COLEC10: variants seen among roughly 807,000 people sequenced by gnomAD.
COLEC10 encodes the protein collectin-10.
COLEC10 carries 22 observed loss-of-function variants against 28.4 expected under a neutral mutation model. The observed-to-expected ratio is 0.78, with a 90% CI of 0.55 to 1.11. The LOEUF is 1.11. COLEC10 is among the 50% of genes least tolerant of loss of function. COLEC10 has a pLI of 0.00. For synonymous variants in COLEC10, 125 were observed against 116.1 expected, an observed-to-expected ratio of 1.08 and a Z score of -0.49; for missense variants, 361 against 344.1, an observed-to-expected ratio of 1.05 and a Z score of -0.39.
In COLEC10 at chr8:119,107,379, C is replaced by A. The variant is rs976872101; in HGVS notation, c.*1188C>A. Among the ~76,000 whole-genome samples the A allele has an allele frequency of 2.0e-5, 3 of 152,138 alleles. No homozygotes were observed. The highest frequency in any genetic ancestry group is 7.2e-5 in the African/African-American group (3 of 41,430). On this transcript the variant is annotated 3_prime_UTR_variant, in exon 6 of 6. Transcript: ENST00000332843. ...ATTCTACCTTGAACTGTAGATCAAA[C>A]CTCAAAGCAGCTTTCACTTGGAATT...
At chr8:119,031,577 G>C (rs771885829) in intron 2 of COLEC10, among the ~76,000 whole-genome samples, 4 of 152,198 alleles carry the variant, frequency 2.6e-5, no homozygotes, top group Non-Finnish European at 4.4e-5. Flanking sequence ...ATCAGTTAGT[G>C]AATTGTGATG....
intron 2 of COLEC10, among the ~76,000 whole-genome samples, chr8:119,010,449 A>C (rs1813883927): frequency 6.6e-6 from 1 of 151,070 alleles, no homozygotes; most frequent in African/African-American, 2.5e-5. Flanking sequence ...TTTGGCAATC[A>C]TGAAGAAAGG....
the COLEC10 span, among the ~76,000 whole-genome samples, chr8:118,978,620 A>G: frequency 6.6e-6 from 1 of 152,034 alleles, no homozygotes; most frequent in Non-Finnish European, 1.5e-5. Context: ...TAATTTATTT[A>G]TTGAACATAA....
chr8:118,992,433 A>C (rs1813518595), upstream of COLEC10, among the ~76,000 whole-genome samples: 1 of 152,172 alleles, frequency 6.6e-6, no homozygotes, highest in South Asian at 2.1e-4. Flanking sequence ...GACATGGTAG[A>C]AGATATTTTT....
the COLEC10 span, among the ~76,000 whole-genome samples, chr8:118,967,290 G>T: frequency 8.6e-5 from 13 of 151,984 alleles, no homozygotes; most frequent in Non-Finnish European, 2.9e-5. Flanking sequence ...TTTACCATCA[G>T]AAAAGAAAAG....
chr8:119,086,213 G>A (rs1259058748), intron 1 of COLEC10, among the ~76,000 whole-genome samples: 1 of 152,142 alleles, frequency 6.6e-6, no homozygotes, highest in African/African-American at 2.4e-5. Flanking sequence ...TGGGGAGTGG[G>A]TGTGAGCAAA....
intron 1 of COLEC10, among the ~76,000 whole-genome samples, chr8:119,008,895 A>G (rs1409051870): frequency 6.6e-6 from 1 of 151,194 alleles, no homozygotes; most frequent in Non-Finnish European, 1.5e-5. Flanking sequence ...TATCTAGCAC[A>G]GTGCCTGGCA....
At chr8:119,035,801 C>A (rs2130139658) in intron 2 of COLEC10, among the ~76,000 whole-genome samples, 1 of 152,176 alleles carries the variant, frequency 6.6e-6, no homozygotes, top group South Asian at 2.1e-4. Flanking sequence ...TTAACAGGAC[C>A]CTGGTAGCTA....
At chr8:119,073,662 C>G (rs1260194977) in intron 1 of COLEC10, among the ~76,000 whole-genome samples, 2 of 151,396 alleles carry the variant, frequency 1.3e-5, no homozygotes, top group Non-Finnish European at 2.9e-5. Flanking sequence ...AAGTTTAGGT[C>G]ATGAAAGGAA....
chr8:118,986,374 G>A, the COLEC10 span, among the ~76,000 whole-genome samples: 1 of 152,122 alleles, frequency 6.6e-6, no homozygotes, highest in African/African-American at 2.4e-5. Context: ...ATTGAATTGA[G>A]ACATTTTCTG....
chr8:119,106,868 C>G lies in COLEC10; in HGVS notation c.*677C>G, dbSNP rs1455817906. On this transcript the variant is annotated 3_prime_UTR_variant, in exon 6 of 6. Coordinates refer to ENST00000332843, the MANE Select transcript of COLEC10 (RefSeq NM_006438.5). ...TTCACTAACATATACCAAGTAGGTG[C>G]TTTGAACCCCTTTCTGTAGGCTCAC... Among the ~76,000 whole-genome samples the G allele has an allele frequency of 6.6e-6, 1 of 152,234 alleles. No individual in the cohort carries two copies. The highest frequency in any genetic ancestry group is 6.5e-5 in the Admixed American group (1 of 15,288).
intron 1 of COLEC10, among the ~76,000 whole-genome samples, chr8:119,080,392 C>T (rs1017929032): frequency 1.8e-4 from 27 of 152,112 alleles, no homozygotes; most frequent in Admixed American, 1.5e-3. Context: ...TCACAAGGAA[C>T]TTACACTTTA....
chr8:119,048,486 T>C (rs1814622303), intron 2 of COLEC10, among the ~76,000 whole-genome samples: 1 of 152,250 alleles, frequency 6.6e-6, no homozygotes, highest in Non-Finnish European at 1.5e-5. Context: ...AGTCTTTTTA[T>C]AGGTGAAGAA....
At chr8:118,984,299 T>C in the COLEC10 span, among the ~76,000 whole-genome samples, 1 of 151,762 alleles carries the variant, frequency 6.6e-6, no homozygotes, top group Non-Finnish European at 1.5e-5. Context: ...ACGTGGACAC[T>C]AAGAAGGGAA....
At chr8:119,097,995 C>G (rs1391524846) in intron 3 of COLEC10, among the ~76,000 whole-genome samples, 1 of 151,996 alleles carries the variant, frequency 6.6e-6, no homozygotes, top group Non-Finnish European at 1.5e-5. Context: ...GTGCAAATAT[C>G]ACCTCCCTCC....
the COLEC10 span, among the ~76,000 whole-genome samples, chr8:118,964,162 A>G: frequency 2.6e-5 from 4 of 152,220 alleles, no homozygotes; most frequent in Non-Finnish European, 4.4e-5. Flanking sequence ...CTAGGAAGCC[A>G]GACTATTTTG....
chr8:119,069,643 T>A (rs867176235), intron 1 of COLEC10, among the ~76,000 whole-genome samples: 1,194 of 79,172 alleles, frequency 0.015, 29 homozygotes, highest in African/African-American at 0.051. Context: ...TATATATATA[T>A]ATATATATAT....
At chr8:119,063,122 T>G (rs1477014513), upstream of COLEC10, 1 of 152,220 alleles carries the variant, frequency 6.6e-6, no homozygotes, top group South Asian at 2.1e-4. Context: ...GAATTTATTT[T>G]CCTTCCAGGA....
chr8:118,988,045 C>T, the COLEC10 span, among the ~76,000 whole-genome samples: 1 of 152,008 alleles, frequency 6.6e-6, no homozygotes, highest in Non-Finnish European at 1.5e-5. Flanking sequence ...ACAGGTGCAT[C>T]CAGAGAGATC....
Sources: allele counts gnomAD v4.1 joint callset (sites outside exome capture counted in the v4.1 genomes callset), GRCh38; gene constraint gnomAD v4.1.1; transcripts MANE v1.5; gene names NCBI Gene and HGNC (gene_info 2026-07-23, HGNC 2026-07-21).